The following LIN7A variants were observed in gnomAD, a reference collection of about 807,000 sequenced individuals.
LIN7A encodes protein lin-7 homolog A.
Under a neutral mutation model 29.8 loss-of-function variants are expected in LIN7A, and 25 were observed. That is an observed-to-expected ratio of 0.84 (90% CI 0.61 to 1.17). LIN7A has a LOEUF of 1.17. Ranked by LOEUF, LIN7A falls within the 50% of genes most tolerant of loss-of-function variation. The pLI is 0.00. For synonymous variants in LIN7A, 118 were observed against 107.5 expected (o/e 1.10, Z -0.60); for missense variants, 239 against 287.0 (o/e 0.83, Z 1.21).
At chr12:80,894,358 ACTC>A (rs1022093770) in intron 1 of LIN7A, among the ~76,000 whole-genome samples, 1 of 151,934 alleles carries the variant, frequency 6.6e-6, no homozygotes, top group African/African-American at 2.4e-5. Context: ...CCTAGAACCT[ACTC>A]CTCCTATTGT....
chr12:80,890,333 C>T (rs1025656686), intron 1 of LIN7A, among the ~76,000 whole-genome samples: 8 of 152,054 alleles, frequency 5.3e-5, no homozygotes, highest in Non-Finnish European at 1.2e-4. Context: ...ATGAGGTTTT[C>T]GATTCCTAAG....
At chr12:80,886,336 G>T (rs1592925012) in intron 2 of LIN7A, among the ~76,000 whole-genome samples, 1 of 151,744 alleles carries the variant, frequency 6.6e-6, no homozygotes, top group East Asian at 1.9e-4. Context: ...ACTGGCATTT[G>T]GTTTCACCTG....
At chr12:80,929,866 T>C (rs764369458) in intron 1 of LIN7A, among the ~76,000 whole-genome samples, 8 of 152,182 alleles carry the variant, frequency 5.3e-5, no homozygotes, top group South Asian at 2.1e-4. Context: ...ATTACTGCTC[T>C]TCTCCAATTT....
At chr12:80,809,147 T>C (rs1249783363) in intron 5 of LIN7A, among the ~76,000 whole-genome samples, 1 of 152,150 alleles carries the variant, frequency 6.6e-6, no homozygotes, top group East Asian at 1.9e-4. Flanking sequence ...TTTTGAATTT[T>C]AATAGAGATG....
chr12:80,873,351 A>G (rs1874515953), intron 2 of LIN7A, among the ~76,000 whole-genome samples: 1 of 151,682 alleles, frequency 6.6e-6, no homozygotes, highest in African/African-American at 2.4e-5. Context: ...GCAACATATC[A>G]AGACCTTGTC....
At chr12:80,844,927 T>C (rs117400270) in intron 4 of LIN7A, among the ~76,000 whole-genome samples, 65 of 152,272 alleles carry the variant, frequency 4.3e-4, no homozygotes, top group Non-Finnish European at 6.8e-4. Flanking sequence ...TATTATACTA[T>C]AGCTGTAGAT....
At chr12:80,931,990 A>C (rs918422062) in intron 1 of LIN7A, among the ~76,000 whole-genome samples, 4 of 152,240 alleles carry the variant, frequency 2.6e-5, no homozygotes, top group Non-Finnish European at 5.9e-5. Flanking sequence ...TCAAATTAAA[A>C]CAAACAAACA....
intron 1 of LIN7A, among the ~76,000 whole-genome samples, chr12:80,931,856 G>GACATAAAATATAGTCAGCCCTCCTCTT (rs1877930875): frequency 6.6e-6 from 1 of 152,130 alleles, no homozygotes; most frequent in South Asian, 2.1e-4. Flanking sequence ...TAGGACAAGA[G>GACATAAAATATAGTCAGCCCTCCTCTT]ACATAAAATA....
intron 3 of LIN7A, 54 bp from the exon 4 acceptor site, chr12:80,845,993 G>A: frequency 6.7e-7 from 1 of 1,487,332 alleles, no homozygotes; most frequent in Non-Finnish European, 9.0e-7. Flanking sequence ...GGAAATAAAG[G>A]CTAATCATAT....
intron 4 of LIN7A, among the ~76,000 whole-genome samples, chr12:80,821,911 T>C (rs998758509): frequency 6.6e-6 from 1 of 152,180 alleles, no homozygotes; most frequent in Non-Finnish European, 1.5e-5. Context: ...GCAAAGTTGA[T>C]ACTAAGTGCA....
intron 1 of LIN7A, among the ~76,000 whole-genome samples, chr12:80,891,023 C>G (rs954621129): frequency 6.6e-6 from 1 of 152,004 alleles, no homozygotes; most frequent in African/African-American, 2.4e-5. Context: ...AAAAATTTCT[C>G]CCCCCAAACA....
intron 1 of LIN7A, among the ~76,000 whole-genome samples, chr12:80,933,736 G>A (rs994286442): frequency 1.3e-5 from 2 of 152,054 alleles, no homozygotes; most frequent in African/African-American, 4.8e-5. Flanking sequence ...CCAGGTATCT[G>A]CAACTTTGCC....
In LIN7A at chr12:80,899,730, G is replaced by T. The variant is rs190399263; in HGVS notation, c.83-10361C>A. Among the ~76,000 whole-genome samples the T allele has an allele frequency of 1.4e-3, 203 of 145,458 alleles. 2 individuals carry two copies. The highest frequency in any genetic ancestry group is 4.7e-3 in the African/African-American group (189 of 40,522). Reference sequence around the variant, plus strand: ...AATCTTGGGAGGTTGTATATTTCTAGGAATTTATCCATTTCCTCTAGGTTT... The same window carrying T: ...AATCTTGGGAGGTTGTATATTTCTATGAATTTATCCATTTCCTCTAGGTTT... On this transcript the variant is annotated intron_variant, in intron 1 of 5. Coordinates refer to ENST00000552864, the MANE Select transcript of LIN7A (RefSeq NM_004664.4).
At chr12:80,902,629 A>C (rs973749289) in intron 1 of LIN7A, among the ~76,000 whole-genome samples, 22 of 151,916 alleles carry the variant, frequency 1.4e-4, no homozygotes, top group Admixed American at 5.9e-4. Flanking sequence ...GGCTATGGTA[A>C]GTGGGATTGT....
chr12:80,825,617 T>C (rs1872027716), intron 4 of LIN7A, among the ~76,000 whole-genome samples: 1 of 152,190 alleles, frequency 6.6e-6, no homozygotes, highest in South Asian at 2.1e-4. Context: ...GCTTAGCCTA[T>C]AGGAAGTTTT....
chr12:80,908,487 C>T (rs1188692140), intron 1 of LIN7A, among the ~76,000 whole-genome samples: 3 of 151,846 alleles, frequency 2.0e-5, no homozygotes, highest in East Asian at 1.9e-4. Flanking sequence ...AATATCTATA[C>T]ACATATATGA....
chr12:80,833,214 C>CA (rs1157639334), intron 4 of LIN7A, among the ~76,000 whole-genome samples: 1 of 152,150 alleles, frequency 6.6e-6, no homozygotes, highest in East Asian at 1.9e-4. Flanking sequence ...ACACAACCTC[C>CA]AAGTACTCAG....
At chr12:80,912,508 A>C (rs1254545802) in intron 1 of LIN7A, among the ~76,000 whole-genome samples, 1 of 151,934 alleles carries the variant, frequency 6.6e-6, no homozygotes, top group Admixed American at 6.6e-5. Context: ...CTGAGGTAGG[A>C]GTTTGAGACC....
chr12:80,887,368 A>C (rs1005459395), intron 2 of LIN7A, among the ~76,000 whole-genome samples: 1 of 152,110 alleles, frequency 6.6e-6, no homozygotes, highest in Admixed American at 6.6e-5. Flanking sequence ...ACATTTTCAA[A>C]AGAAAATAAA....
Sources: gnomAD v4.1 joint callset for allele counts (sites outside exome capture counted in the v4.1 genomes callset) on GRCh38, gnomAD v4.1.1 for gene constraint, MANE v1.5 for transcripts, NCBI Gene and HGNC (gene_info 2026-07-23, HGNC 2026-07-21) for gene names.